The following AP1S3 variants were observed in gnomAD, a reference collection of about 807,000 sequenced individuals.
AP1S3 encodes AP-1 complex subunit sigma-3.
Under a neutral mutation model 20.9 loss-of-function variants are expected in AP1S3, and 10 were observed. The observed-to-expected ratio is 0.48, with a 90% CI of 0.29 to 0.81. The LOEUF (loss-of-function observed/expected upper bound fraction) is 0.81. Ranked by LOEUF, AP1S3 falls within the 30% of genes least tolerant of loss-of-function variation. The probability of loss-of-function intolerance (pLI) is 0.08; values close to 1 mark genes in which losing one functional copy is unlikely to be tolerated. For missense variants in AP1S3, 154 were observed against 183.8 expected (o/e 0.84, Z 0.94); for synonymous variants, 41 against 61.5 (o/e 0.67, Z 1.56).
At chr2:223,783,439 C>G (rs530783110) in intron 1 of AP1S3, among the ~76,000 whole-genome samples, 3 of 152,336 alleles carry the variant, frequency 2.0e-5, no homozygotes, top group Admixed American at 2.0e-4. Context: ...CCTACTAGAG[C>G]AATCCTTGGT....
At chr2:223,780,337 AGAG>A (rs1690905528) in intron 1 of AP1S3, among the ~76,000 whole-genome samples, 1 of 125,316 alleles carries the variant, frequency 8.0e-6, no homozygotes, top group African/African-American at 3.4e-5. Flanking sequence ...AGAGAGAGAG[AGAG>A]AGAGAGAGAG....
At position 223,801,246 on chromosome 2, in the gene AP1S3, G is replaced by A. The variant is rs138923914; in HGVS notation, c.4-23377C>T. 1.6e-4 allele frequency among the ~76,000 whole-genome samples: 24 copies of A among 152,262 alleles called. No individual in the cohort carries two copies. In the East Asian group the frequency reaches 2.7e-3, roughly 17 times the overall value. The stretch of plus-strand genomic sequence containing the variant: ...TTATTCCCACTTGATAAGGACTCTA[G>A]GGCTTAAAAAAGTTAAGTACCTTGT... On this transcript the variant is annotated intron_variant, in intron 1 of 4. Transcript: ENST00000396654.
Position 223,780,357 on chromosome 2 carries a change from A to AGTGT in AP1S3, c.4-2492_4-2489dup, listed in dbSNP as rs57103665. The stretch of plus-strand genomic sequence containing the variant: ...GAGAGAGAGAGAGAGAGAGAGAGAG[A>AGTGT]GTGTGTGTGTGTGTGTGTGTGTGTG... On this transcript the variant is annotated intron_variant, in intron 1 of 4. Transcript: ENST00000396654. Among the ~76,000 whole-genome samples, 123 of 44,432 alleles carry AGTGT rather than the reference A, an allele frequency of 2.8e-3. 4 individuals are homozygous for AGTGT. Among genetic ancestry groups the AGTGT allele is most frequent in the South Asian group, 5.0e-3 (3 of 606 alleles). The allele number at this position is 44,432 out of a possible 152,430, so 29.1% of individuals were successfully genotyped here.
chr2:223,759,067 G>A (rs1184384250), intron 4 of AP1S3, among the ~76,000 whole-genome samples: 2 of 152,150 alleles, frequency 1.3e-5, no homozygotes, highest in Non-Finnish European at 2.9e-5. Context: ...GCTGAGGTGG[G>A]CAGATCACCT....
In AP1S3 at chr2:223,756,478, GAAAGAAA is replaced by G. The variant is rs373705552; in HGVS notation, c.*2230_*2236del. The G allele has an allele frequency of 3.3e-6, 3 of 912,828 alleles. No individual in the cohort carries two copies. The highest frequency in any genetic ancestry group is 5.1e-5 in the South Asian group (1 of 19,468). The allele number at this position is 912,828 out of a possible 1,614,324, so 56.5% of individuals were successfully genotyped here. The stretch of plus-strand genomic sequence containing the variant: ...GAAAGAAAGAAAGAAAAGAAAGAAA[GAAAGAAA>G]AAAAGAAAGAAAAAATTCTAACACA... On this transcript the variant is annotated 3_prime_UTR_variant, in exon 5 of 5. Coordinates refer to ENST00000396654, the MANE Select transcript of AP1S3 (RefSeq NM_001039569.2).
At chr2:223,832,812 T>G (rs538422742) in intron 1 of AP1S3, among the ~76,000 whole-genome samples, 2 of 148,664 alleles carry the variant, frequency 1.3e-5, no homozygotes, top group Non-Finnish European at 1.5e-5. Context: ...TTTTTCTTTT[T>G]TTTTTTTTTT....
intron 1 of AP1S3, among the ~76,000 whole-genome samples, chr2:223,797,852 T>C (rs981378158): frequency 6.6e-6 from 1 of 152,212 alleles, no homozygotes; most frequent in African/African-American, 2.4e-5. Flanking sequence ...CAAGCTCTGT[T>C]TGGCTGCAGG....
chr2:223,798,419 C>T (rs1691394277), intron 1 of AP1S3, among the ~76,000 whole-genome samples: 1 of 152,038 alleles, frequency 6.6e-6, no homozygotes, highest in African/African-American at 2.4e-5. Context: ...AGAGGAACAA[C>T]AATAAGGGGA....
rs1233957314 is a variant in AP1S3, at chr2:223,758,025, A to G, written c.*690T>C. 2.0e-6 allele frequency: 2 copies of G among 975,972 alleles called. No homozygotes were observed. The highest frequency in any genetic ancestry group is 3.5e-5 in the African/African-American group (2 of 57,000). 60.5% of individuals were successfully genotyped at this position (975,972 alleles called of 1,614,324 possible). A position where few individuals can be genotyped will look rare whatever the true frequency, so the allele number is the denominator to read the frequency against. ...ATAGTTCATAGAAAACCTTATTGGA[A>G]TGTCCCTTATATTCAATTAAAAGAT... On this transcript the variant is annotated 3_prime_UTR_variant, in exon 5 of 5. Transcript: ENST00000396654.
intron 1 of AP1S3, among the ~76,000 whole-genome samples, chr2:223,780,895 C>A (rs912351784): frequency 6.6e-6 from 1 of 151,886 alleles, no homozygotes; most frequent in African/African-American, 2.4e-5. Context: ...GTCAATCAGG[C>A]ACTGAGTATA....
Position 223,837,521 on chromosome 2 carries a change from G to A in AP1S3, c.-71C>T. ...GGAGAAGCGAGGGCGAGAGGCGAGC[G>A]CTGGAGCCGGTGCGGCTGACAGGTG... On this transcript the variant is annotated 5_prime_UTR_variant, in exon 1 of 5. Coordinates refer to ENST00000396654, the MANE Select transcript of AP1S3 (RefSeq NM_001039569.2). 1 of 1,113,218 alleles carries A rather than the reference G, an allele frequency of 9.0e-7. No homozygotes were observed. Among genetic ancestry groups the A allele is most frequent in the Non-Finnish European group, 1.1e-6 (1 of 872,808 alleles). The allele number at this position is 1,113,218 out of a possible 1,614,324, so 69.0% of individuals were successfully genotyped here.
At chr2:223,793,083 T>C (rs2106104693) in intron 1 of AP1S3, among the ~76,000 whole-genome samples, 1 of 152,216 alleles carries the variant, frequency 6.6e-6, no homozygotes, top group South Asian at 2.1e-4. Context: ...CAGATGCTGA[T>C]GAGGTTGTGA....
chr2:223,781,539 T>G (rs1175304956), intron 1 of AP1S3, among the ~76,000 whole-genome samples: 1 of 151,786 alleles, frequency 6.6e-6, no homozygotes, highest in African/African-American at 2.4e-5. Context: ...AGTTTGAGAG[T>G]AGCCTGGGAA....
At chr2:223,816,534 G>C (rs1206926692) in intron 1 of AP1S3, among the ~76,000 whole-genome samples, 5 of 152,202 alleles carry the variant, frequency 3.3e-5, no homozygotes, top group African/African-American at 9.7e-5. Context: ...ATTCACAGGA[G>C]ACCGTGGATA....
At position 223,827,337 on chromosome 2, in the gene AP1S3, T is replaced by C. The variant is rs148966947; in HGVS notation, c.3+10111A>G. Among the ~76,000 whole-genome samples the C allele has an allele frequency of 9.9e-4, 151 of 152,324 alleles. 1 individual carries two copies. The highest frequency in any genetic ancestry group is 3.6e-3 in the African/African-American group (148 of 41,564). On this transcript the variant is annotated intron_variant, in intron 1 of 4. Transcript: ENST00000396654. ...TCATACTTTAAAAAAAAATGTGATA[T>C]TACTGTAACCCTTACCTTCCCCTAC...
intron 3 of AP1S3, among the ~76,000 whole-genome samples, chr2:223,775,593 C>T (rs187683725): frequency 6.6e-6 from 1 of 152,278 alleles, no homozygotes; most frequent in Admixed American, 6.5e-5. Context: ...ATAATCCTAG[C>T]TCTTTGGGAA....
chr2:223,825,450 A>C (rs1161255706), intron 1 of AP1S3, among the ~76,000 whole-genome samples: 1 of 151,908 alleles, frequency 6.6e-6, no homozygotes, highest in Admixed American at 6.6e-5. Flanking sequence ...ACATCCAGTC[A>C]CTCATACACA....
chr2:223,777,872 A>G lies in AP1S3; in HGVS notation c.4-3T>C. 6.2e-7 allele frequency: 1 copy of G among 1,608,152 alleles called. No individual in the cohort carries two copies. The stretch of plus-strand genomic sequence containing the variant: ...CTGAAGAGCAATATGAAATGTATCT[A>G]GAACAAAGGACACAAAAAACAGAAC... On this transcript the variant is annotated splice_polypyrimidine_tract_variant and splice_region_variant and intron_variant, in intron 1 of 4. Coordinates refer to ENST00000396654, the MANE Select transcript of AP1S3 (RefSeq NM_001039569.2).
chr2:223,815,255 A>G (rs779250708), intron 1 of AP1S3, among the ~76,000 whole-genome samples: 14 of 152,226 alleles, frequency 9.2e-5, no homozygotes, highest in Non-Finnish European at 1.6e-4. Context: ...GAACACAGTC[A>G]TCAGTTCTCC....
Sources: allele counts gnomAD v4.1 joint callset (sites outside exome capture counted in the v4.1 genomes callset), GRCh38; gene constraint gnomAD v4.1.1; transcripts MANE v1.5; gene names NCBI Gene and HGNC (gene_info 2026-07-23, HGNC 2026-07-21).